SIPA1L3: variants seen among roughly 807,000 people sequenced by gnomAD.
The protein encoded by SIPA1L3 is signal induced proliferation associated 1 like 3.
SIPA1L3 carries 59 observed loss-of-function variants against 150.1 expected under a neutral mutation model. The ratio of observed to expected loss-of-function variants is 0.39; its 90% CI spans 0.32 to 0.49. SIPA1L3 has a LOEUF of 0.49. Ranked by LOEUF, SIPA1L3 falls within the 20% of genes least tolerant of loss-of-function variation. The probability of loss-of-function intolerance (pLI) is 0.86; values close to 1 mark genes in which losing one functional copy is unlikely to be tolerated. For missense variants in SIPA1L3, 2,211 were observed against 2,489.5 expected (o/e 0.89, Z 2.38); for synonymous variants, 1,070 against 1,077.6 (o/e 0.99, Z 0.14).
intron 2 of SIPA1L3, among the ~76,000 whole-genome samples, chr19:38,032,219 A>G (rs761181483): frequency 6.6e-6 from 1 of 152,026 alleles, no homozygotes. Flanking sequence ...TTTATATCCT[A>G]TGGGCTCATA....
Position 38,192,256 on chromosome 19 carries a change from G to A in SIPA1L3, c.4542G>A (p.Leu1514=), listed in dbSNP as rs138315732. 4.3e-6 allele frequency: 7 copies of A among 1,613,586 alleles called. No homozygotes were observed. In the African/African-American group the frequency reaches 9.3e-5, roughly 22 times the overall value. ...KNYKSTIEDD[L]KKLIIMDNLG... ...ACAAATCCACCATCGAGGATGACCT[G>A]AAGAAACTCATCATCATGGACAACC... The change falls in exon 17 of 22, where the codon CTG becomes CTA. Residue 1514 remains leucine (L), a synonymous_variant. Coordinates refer to ENST00000222345, the MANE Select transcript of SIPA1L3 (RefSeq NM_015073.3).
intron 1 of SIPA1L3, among the ~76,000 whole-genome samples, chr19:38,020,934 G>A (rs1968360225): frequency 6.6e-6 from 1 of 151,914 alleles, no homozygotes; most frequent in African/African-American, 2.4e-5. Flanking sequence ...CCGAGTAGCT[G>A]GGACTACAGG....
chr19:38,119,269 T>C, intron 8 of SIPA1L3, 37 bp from the exon 9 acceptor site: 1 of 1,564,246 alleles, frequency 6.4e-7, no homozygotes, highest in East Asian at 2.3e-5. Flanking sequence ...TCTTAGTGCC[T>C]TTCTTCCCAC....
At chr19:37,977,896 TC>T (rs1465661215) in intron 1 of SIPA1L3, among the ~76,000 whole-genome samples, 13 of 152,102 alleles carry the variant, frequency 8.5e-5, no homozygotes, top group African/African-American at 3.1e-4. Context: ...CTTTAGGAGG[TC>T]CTTCGTAAAT....
intron 1 of SIPA1L3, among the ~76,000 whole-genome samples, chr19:37,916,493 T>TAAAAAA (rs911159767): frequency 1.1e-5 from 1 of 90,790 alleles, no homozygotes; most frequent in African/African-American, 4.3e-5. Context: ...ACTCTGTGTC[T>TAAAAAA]AAAAAAAAAA....
intron 17 of SIPA1L3, 68 bp downstream of exon 17, chr19:38,192,378 A>T: frequency 7.0e-7 from 1 of 1,434,682 alleles, no homozygotes; most frequent in Non-Finnish European, 9.4e-7. Flanking sequence ...TGGGCAGGCA[A>T]GGAGAAGGGC....
At position 38,082,684 on chromosome 19, in the gene SIPA1L3, G is replaced by A. The variant is rs574587415; in HGVS notation, c.1119G>A (p.Ser373=). ...GGCGGAACACCACCACGGGTGCTTC[G>A]GCCGCTTCCGCCGCCTCGGCCATGG... is the stretch of plus-strand genomic sequence containing the variant. ...SQRRNTTTGA[S]AASAASAMAS... is the part of the protein sequence containing the mutation. Residue 373 remains serine, a synonymous_variant, in exon 3 of 22, where the codon TCG becomes TCA. Coordinates refer to ENST00000222345, the MANE Select transcript of SIPA1L3 (RefSeq NM_015073.3). 8 of 1,608,998 alleles carry A rather than the reference G, an allele frequency of 5.0e-6. No homozygotes were observed. The highest frequency in any genetic ancestry group is 1.3e-5 in the African/African-American group (1 of 74,890).
chr19:38,031,280 G>A (rs1348402957), intron 2 of SIPA1L3, among the ~76,000 whole-genome samples: 3 of 152,158 alleles, frequency 2.0e-5, no homozygotes, highest in Non-Finnish European at 2.9e-5. Flanking sequence ...AACCCAGTAC[G>A]ATTAACTCAA....
At chr19:37,968,783 T>A (rs1381058836) in intron 1 of SIPA1L3, among the ~76,000 whole-genome samples, 1 of 151,978 alleles carries the variant, frequency 6.6e-6, no homozygotes, top group African/African-American at 2.4e-5. Context: ...AAAGAGAGAG[T>A]GAGTTCTTTT....
intron 2 of SIPA1L3, among the ~76,000 whole-genome samples, chr19:38,037,090 G>A (rs1968809757): frequency 6.6e-6 from 1 of 152,188 alleles, no homozygotes; most frequent in South Asian, 2.1e-4. Context: ...GCCTTCTCAG[G>A]GCTCTAGAAA....
chr19:38,031,811 G>C (rs1271531168), intron 2 of SIPA1L3, among the ~76,000 whole-genome samples: 1 of 152,232 alleles, frequency 6.6e-6, no homozygotes. Context: ...TTAGCCAGGT[G>C]TGGTGGTGCA....
At chr19:38,156,077 GTC>G (rs956955458) in intron 13 of SIPA1L3, among the ~76,000 whole-genome samples, 1 of 152,000 alleles carries the variant, frequency 6.6e-6, no homozygotes, top group African/African-American at 2.4e-5. Flanking sequence ...GAGAAACTCT[GTC>G]TCAAAAAAAA....
chr19:38,123,262 TTGTTTTTTTTG>T (rs1971067314), intron 9 of SIPA1L3, among the ~76,000 whole-genome samples: 3 of 149,614 alleles, frequency 2.0e-5, no homozygotes, highest in Admixed American at 2.0e-4. Flanking sequence ...AGTTTTTTTT[TTGTTTTTTTTG>T]TTTTTTTTTT....
intron 1 of SIPA1L3, among the ~76,000 whole-genome samples, chr19:38,028,131 C>T (rs1013557819): frequency 6.6e-6 from 1 of 152,132 alleles, no homozygotes; most frequent in Non-Finnish European, 1.5e-5. Flanking sequence ...AGTGCCTTCT[C>T]CGCCTGGAGA....
Position 38,204,058 on chromosome 19 carries a change from A to G in SIPA1L3, c.5121-69A>G, listed in dbSNP as rs928040979. 9.4e-6 allele frequency: 12 copies of G among 1,279,740 alleles called. No homozygotes were observed. In the African/African-American group the frequency reaches 1.6e-4, roughly 17 times the overall value. The allele number at this position is 1,279,740 out of a possible 1,614,324, so 79.3% of individuals were successfully genotyped here. ...GGGGGCCTGTACCCCCAGGCTCCTC[A>G]GATGTGGGCCAGAAGCCTTCCCCAG... On this transcript the variant is annotated intron_variant, in intron 20 of 21. Transcript: ENST00000222345.
rs1376909180 is a variant in SIPA1L3, at chr19:38,204,138, C to G, written c.5132C>G (p.Pro1711Arg). 1 of 1,558,290 alleles carries G rather than the reference C, an allele frequency of 6.4e-7. No individual in the cohort carries two copies. Among genetic ancestry groups the G allele is most frequent in the East Asian group, 2.4e-5 (1 of 41,358 alleles). Reference protein sequence around the residue: ...RTTPTMSEEPPLDLTGKVYQL... With the variant: ...RTTPTMSEEPRLDLTGKVYQL... ...CCTGGTTTTTCCAGCGAGGAGCCAC[C>G]CCTGGATCTGACAGGCAAGGTGTAC... The change falls in exon 21 of 22, where the codon CCC (proline) becomes CGC (arginine). Residue 1711 changes from proline (P) to arginine (R), a missense_variant. Physicochemically the swap from Pro to Arg is moderately radical, Grantham distance 103. Around this residue, in one of 5 missense-constraint regions of SIPA1L3, gnomAD observed 63 missense variants for 106.1 expected, o/e 0.59. Coordinates refer to ENST00000222345, the MANE Select transcript of SIPA1L3 (RefSeq NM_015073.3).
At chr19:37,929,998 A>G (rs916509732) in intron 1 of SIPA1L3, among the ~76,000 whole-genome samples, 2 of 148,782 alleles carry the variant, frequency 1.3e-5, no homozygotes, top group African/African-American at 2.5e-5. Context: ...GGCTGGGACC[A>G]CAGGTGCATG....
chr19:37,921,851 C>T (rs1243147279), intron 1 of SIPA1L3, among the ~76,000 whole-genome samples: 1 of 152,146 alleles, frequency 6.6e-6, no homozygotes, highest in East Asian at 1.9e-4. Flanking sequence ...AATCCTCTTG[C>T]CTCAGCCTCC....
chr19:37,984,218 G>C (rs1200088366), intron 1 of SIPA1L3, among the ~76,000 whole-genome samples: 1 of 152,212 alleles, frequency 6.6e-6, no homozygotes, highest in Non-Finnish European at 1.5e-5. Context: ...CCTTGGGCAA[G>C]TAACACCAAG....
Sources: allele counts gnomAD v4.1 joint callset (sites outside exome capture counted in the v4.1 genomes callset), GRCh38; gene constraint gnomAD v4.1.1; regional missense constraint gnomAD v4.1.1; transcripts MANE v1.5; gene names NCBI Gene and HGNC (gene_info 2026-07-23, HGNC 2026-07-21).